BICC1: variants seen among roughly 807,000 people sequenced by gnomAD.
BICC1 encodes the protein protein bicaudal C homolog 1.
Under a neutral mutation model 111.0 loss-of-function variants are expected in BICC1, and 43 were observed. The observed-to-expected ratio is 0.39, with a 90% CI of 0.30 to 0.50. The LOEUF (loss-of-function observed/expected upper bound fraction) is 0.50. Ranked by LOEUF, BICC1 falls within the 20% of genes least tolerant of loss-of-function variation. The pLI is 0.88. For missense variants in BICC1, 1,091 were observed against 1,203.2 expected (o/e 0.91, Z 1.38); for synonymous variants, 467 against 434.4 (o/e 1.07, Z -0.93).
Position 58,789,355 on chromosome 10 carries a change from T to C in BICC1, c.694T>C (p.Ser232Pro), listed in dbSNP as rs139681053. 3 of 1,614,000 alleles carry C rather than the reference T, an allele frequency of 1.9e-6. No individual in the cohort carries two copies. The highest frequency in any genetic ancestry group is 2.5e-6 in the Non-Finnish European group (3 of 1,179,932). Residue 232 changes from serine (S) to proline (P), a missense_variant, in exon 7 of 21, where the codon TCA becomes CCA. Ser to Pro is a moderately conservative substitution (Grantham distance 74). Coordinates refer to ENST00000373886, the MANE Select transcript of BICC1 (RefSeq NM_001080512.3). ...TAATTCCCCCTCTATTCAGCATATA[T>C]CACAAACGTACAATATTTCAGTATC... ...DPNSPSIQHISQTYNISVSFK... is the reference protein window; with the variant it reads ...DPNSPSIQHIPQTYNISVSFK...
intron 3 of BICC1, among the ~76,000 whole-genome samples, chr10:58,732,929 A>C (rs1841361091): frequency 6.6e-6 from 1 of 152,190 alleles, no homozygotes; most frequent in Non-Finnish European, 1.5e-5. Flanking sequence ...TTACCAAAAC[A>C]TGACACAGAA....
intron 1 of BICC1, among the ~76,000 whole-genome samples, chr10:58,514,510 T>G (rs1361647108): frequency 6.6e-6 from 1 of 152,232 alleles, no homozygotes; most frequent in Admixed American, 6.5e-5. Flanking sequence ...CAGGTTATTT[T>G]AAGAGAGAAC....
chr10:58,686,625 A>T (rs1839736797), intron 2 of BICC1, among the ~76,000 whole-genome samples: 1 of 151,650 alleles, frequency 6.6e-6, no homozygotes, highest in Non-Finnish European at 1.5e-5. Flanking sequence ...TTTGATCTTC[A>T]ATCACTTATA....
intron 2 of BICC1, among the ~76,000 whole-genome samples, chr10:58,657,110 G>C (rs543760622): frequency 5.8e-4 from 88 of 152,140 alleles, no homozygotes; most frequent in Admixed American, 2.8e-3. Flanking sequence ...CTCCTCACGT[G>C]CGCCATTCCA....
At position 58,799,189 on chromosome 10, in the gene BICC1, C is replaced by T; in HGVS notation, c.1662C>T (p.Val554=). The T allele has an allele frequency of 1.2e-6, 2 of 1,613,658 alleles. No individual in the cohort carries two copies. The highest frequency in any genetic ancestry group is 1.7e-6 in the Non-Finnish European group (2 of 1,179,828). The stretch of plus-strand genomic sequence containing the variant: ...CTCCTGGCTTGACTCCTGTTGATGT[C>T]CATATCAACAGTATGCAGACCGAAG... ...SPPPGLTPVD[V]HINSMQTEGK... Residue 554 remains valine (V), a synonymous_variant, in exon 12 of 21, where the codon GTC becomes GTT. Transcript: ENST00000373886.
intron 2 of BICC1, among the ~76,000 whole-genome samples, chr10:58,680,820 CAG>C (rs1400133416): frequency 1.3e-5 from 2 of 152,212 alleles, no homozygotes; most frequent in African/African-American, 4.8e-5. Context: ...CATACCAAAA[CAG>C]ATATATAGAC....
intron 1 of BICC1, among the ~76,000 whole-genome samples, chr10:58,583,734 G>A (rs749869511): frequency 1.3e-5 from 2 of 152,138 alleles, no homozygotes; most frequent in African/African-American, 2.4e-5. Flanking sequence ...AAACATGTGT[G>A]TGAAAGGTCT....
chr10:58,564,966 T>G (rs1360143015), intron 1 of BICC1, among the ~76,000 whole-genome samples: 1 of 152,198 alleles, frequency 6.6e-6, no homozygotes, highest in East Asian at 1.9e-4. Flanking sequence ...CGTCCCTTTT[T>G]TTAAAATTAT....
At position 58,660,301 on chromosome 10, in the gene BICC1, A is replaced by G. The variant is rs1838799611; in HGVS notation, c.237+39400A>G. Among the ~76,000 whole-genome samples, 3 of 152,244 alleles carry G rather than the reference A, an allele frequency of 2.0e-5. No individual in the cohort carries two copies. The South Asian group carries it at 6.2e-4, about 32-fold the overall frequency. On this transcript the variant is annotated intron_variant, in intron 2 of 20. Transcript: ENST00000373886. ...CAAGGCCACCTTCCCTTGTTTGTCA[A>G]ATAAGGAGAGTATAGTAATAGGGGA...
chr10:58,716,163 G>A (rs1473190405), intron 3 of BICC1: 3 of 1,503,270 alleles, frequency 2.0e-6, no homozygotes, highest in Non-Finnish European at 2.7e-6. Flanking sequence ...TTGAGGAGGT[G>A]CGAGCAAAAA....
In BICC1 at chr10:58,513,085, A is replaced by AGGCGGCAGCGCAGGCAGAGCGGC. The variant is rs1452419238; in HGVS notation, c.-48_-26dup. 5.0e-5 allele frequency: 63 copies of AGGCGGCAGCGCAGGCAGAGCGGC among 1,254,332 alleles called. No individual in the cohort carries two copies. Among genetic ancestry groups the AGGCGGCAGCGCAGGCAGAGCGGC allele is most frequent in the Non-Finnish European group, 5.9e-5 (58 of 989,136 alleles). The allele number at this position is 1,254,332 out of a possible 1,614,324, so 77.7% of individuals were successfully genotyped here. A position where few individuals can be genotyped will look rare whatever the true frequency, so the allele number is the denominator to read the frequency against. On this transcript the variant is annotated 5_prime_UTR_variant, in exon 1 of 21. Transcript: ENST00000373886. The stretch of plus-strand genomic sequence containing the variant: ...CCAGTTGAGCCCGGCCGGCGAGCGG[A>AGGCGGCAGCGCAGGCAGAGCGGC]GGCGGCAGCGCAGGCAGAGCGGCGG...
intron 3 of BICC1, among the ~76,000 whole-genome samples, chr10:58,725,470 T>A (rs1841076556): frequency 6.6e-6 from 1 of 152,232 alleles, no homozygotes; most frequent in Admixed American, 6.5e-5. Flanking sequence ...GTCTCCATCC[T>A]TGTTTGTGAA....
At chr10:58,798,363 T>C (rs773921112) in intron 10 of BICC1, 36 bp from the exon 11 acceptor site, 18 of 1,475,816 alleles carry the variant, frequency 1.2e-5, no homozygotes, top group Non-Finnish European at 1.8e-6. Flanking sequence ...AATCTTAAAT[T>C]TATGTGAATT....
intron 2 of BICC1, among the ~76,000 whole-genome samples, chr10:58,639,204 C>T (rs555212700): frequency 1.3e-5 from 2 of 152,146 alleles, no homozygotes; most frequent in South Asian, 4.2e-4. Flanking sequence ...TTTTAGTGTG[C>T]AGAAGATCCA....
At chr10:58,692,477 T>G (rs1337998769) in intron 2 of BICC1, among the ~76,000 whole-genome samples, 1 of 152,214 alleles carries the variant, frequency 6.6e-6, no homozygotes, top group Non-Finnish European at 1.5e-5. Context: ...CTACAGCCTT[T>G]AAAATTTTTT....
chr10:58,793,424 A>G (rs1843241971), intron 8 of BICC1, 60 bp from the exon 9 acceptor site: 10 of 1,451,280 alleles, frequency 6.9e-6, no homozygotes, highest in South Asian at 5.0e-5. Flanking sequence ...ATGTTAAATT[A>G]TCAGGTGTTT....
intron 20 of BICC1, among the ~76,000 whole-genome samples, chr10:58,822,522 G>A (rs1844282178): frequency 6.6e-6 from 1 of 151,920 alleles, no homozygotes; most frequent in Non-Finnish European, 1.5e-5. Flanking sequence ...TAGTACTTTT[G>A]CAGACTTCCT....
rs762082881 is a variant in BICC1, at chr10:58,676,451, G to A, written c.238-25623G>A. On this transcript the variant is annotated intron_variant, in intron 2 of 20. Transcript: ENST00000373886. ...GAGCTTGGTAGGGGGAAGGGCATCCGCCATTACTGAGGCTTACGCAAAGCT... is the reference window on the plus strand; with the variant it reads ...GAGCTTGGTAGGGGGAAGGGCATCCACCATTACTGAGGCTTACGCAAAGCT... Among the ~76,000 whole-genome samples, 11 of 152,140 alleles carry A rather than the reference G, an allele frequency of 7.2e-5. No homozygotes were observed. The South Asian group carries it at 8.3e-4, about 11-fold the overall frequency.
rs200988060 is a variant in BICC1 at position 58,716,781 on chromosome 10, T to TG, written c.307+14645dup. Among the ~76,000 whole-genome samples, 441 of 148,428 alleles carry TG rather than the reference T, an allele frequency of 3.0e-3. 11 individuals carry two copies. The highest frequency in any genetic ancestry group is 0.01 in the Middle Eastern group (3 of 294). On this transcript the variant is annotated intron_variant, in intron 3 of 20. Coordinates refer to ENST00000373886, the MANE Select transcript of BICC1 (RefSeq NM_001080512.3). ...TACCTGGGGAAGGAGCTTTTAGGGT[T>TG]GGGGGGGTGGTTTGCTATCTCTTTA... is the stretch of plus-strand genomic sequence containing the variant.
Sources: gnomAD v4.1 joint callset for allele counts (sites outside exome capture counted in the v4.1 genomes callset) on GRCh38, gnomAD v4.1.1 for gene constraint, MANE v1.5 for transcripts, NCBI Gene and HGNC (gene_info 2026-07-23, HGNC 2026-07-21) for gene names.